The following TCERG1L variants were observed in gnomAD, a reference collection of about 807,000 sequenced individuals.
TCERG1L encodes the protein transcription elongation regulator 1 like, also known as transcription elongation regulator 1-like protein.
TCERG1L carries 37 observed loss-of-function variants against 56.3 expected under a neutral mutation model. The ratio of observed to expected loss-of-function variants is 0.66; its 90% CI spans 0.51 to 0.87. The LOEUF (loss-of-function observed/expected upper bound fraction) is 0.87. Ranked by LOEUF, TCERG1L falls within the 40% of genes least tolerant of loss-of-function variation. The pLI, the probability that TCERG1L is intolerant of heterozygous loss-of-function variation, is 0.00. For synonymous variants in TCERG1L, 324 were observed against 326.3 expected, an observed-to-expected ratio of 0.99 and a Z score of 0.08; for missense variants, 799 against 774.2, an observed-to-expected ratio of 1.03 and a Z score of -0.38.
chr10:131,202,747 G>C (rs1845455802), intron 4 of TCERG1L, among the ~76,000 whole-genome samples: 2 of 152,156 alleles, frequency 1.3e-5, no homozygotes, highest in Non-Finnish European at 2.9e-5. Flanking sequence ...GAAATATTCT[G>C]ATTATCTGAT....
intron 6 of TCERG1L, among the ~76,000 whole-genome samples, chr10:131,147,808 G>A (rs982331465): frequency 6.6e-6 from 1 of 152,242 alleles, no homozygotes; most frequent in Admixed American, 6.5e-5. Flanking sequence ...CTAGGCCCCC[G>A]GTAGCCCACT....
At chr10:131,208,752 TCAGTCAAAACA>T (rs1396217736) in intron 4 of TCERG1L, among the ~76,000 whole-genome samples, 5 of 152,174 alleles carry the variant, frequency 3.3e-5, no homozygotes, top group Non-Finnish European at 7.3e-5. Flanking sequence ...GTGGCTCATC[TCAGTCAAAACA>T]CAGTCAAAAC....
chr10:131,191,680 T>C (rs1845302849), intron 4 of TCERG1L, among the ~76,000 whole-genome samples: 1 of 141,014 alleles, frequency 7.1e-6, no homozygotes, highest in Non-Finnish European at 1.5e-5. Context: ...ATCCCATTTC[T>C]CACCACATAA....
chr10:131,275,708 A>C (rs940674727), intron 3 of TCERG1L, among the ~76,000 whole-genome samples: 1 of 152,200 alleles, frequency 6.6e-6, no homozygotes, highest in Non-Finnish European at 1.5e-5. Flanking sequence ...TCTATACCCC[A>C]AAAACTACTG....
At chr10:131,258,819 A>C (rs964947012) in intron 4 of TCERG1L, among the ~76,000 whole-genome samples, 1 of 152,202 alleles carries the variant, frequency 6.6e-6, no homozygotes, top group African/African-American at 2.4e-5. Flanking sequence ...ATGTCACCTT[A>C]TAAATCATGT....
intron 8 of TCERG1L, among the ~76,000 whole-genome samples, chr10:131,121,969 G>A (rs1216683370): frequency 6.6e-6 from 1 of 152,220 alleles, no homozygotes; most frequent in African/African-American, 2.4e-5. Context: ...TCCAGAGGCT[G>A]TGCCAGCCCT....
At chr10:131,283,407 T>C (rs1000702673) in intron 3 of TCERG1L, among the ~76,000 whole-genome samples, 4 of 152,214 alleles carry the variant, frequency 2.6e-5, no homozygotes, top group African/African-American at 4.8e-5. Context: ...CAGATGCAAA[T>C]GTAAGGCTTC....
At chr10:131,185,455 A>G (rs1845225907) in intron 4 of TCERG1L, among the ~76,000 whole-genome samples, 1 of 152,232 alleles carries the variant, frequency 6.6e-6, no homozygotes, top group Admixed American at 6.5e-5. Flanking sequence ...AACCTTCAGA[A>G]TGGGAGAAAA....
intron 6 of TCERG1L, among the ~76,000 whole-genome samples, chr10:131,148,856 TG>T (rs1347459328): frequency 2.0e-5 from 3 of 152,238 alleles, no homozygotes; most frequent in Non-Finnish European, 4.4e-5. Flanking sequence ...TGTGTGTCGC[TG>T]GAGCCCTGAG....
At chr10:131,204,136 G>A (rs1845489496) in intron 4 of TCERG1L, among the ~76,000 whole-genome samples, 1 of 152,224 alleles carries the variant, frequency 6.6e-6, no homozygotes, top group Non-Finnish European at 1.5e-5. Flanking sequence ...CAGCAAGGAG[G>A]CGCCATCTTG....
intron 3 of TCERG1L, among the ~76,000 whole-genome samples, chr10:131,281,023 G>C (rs1846446183): frequency 6.6e-6 from 1 of 152,052 alleles, no homozygotes; most frequent in Non-Finnish European, 1.5e-5. Context: ...TTTTTAAAAG[G>C]CATTATTCAA....
At chr10:131,105,125 T>A (rs1206815299) in intron 9 of TCERG1L, among the ~76,000 whole-genome samples, 1 of 152,220 alleles carries the variant, frequency 6.6e-6, no homozygotes. Context: ...GTCAGGTGCA[T>A]TGCAGGACAC....
intron 7 of TCERG1L, among the ~76,000 whole-genome samples, chr10:131,143,981 G>A (rs1221848948): frequency 6.6e-6 from 1 of 152,112 alleles, no homozygotes; most frequent in Non-Finnish European, 1.5e-5. Flanking sequence ...CAGCACTTCT[G>A]GAGGCGCTGC....
intron 3 of TCERG1L, among the ~76,000 whole-genome samples, chr10:131,299,299 T>G (rs1351252408): frequency 6.6e-6 from 1 of 152,142 alleles, no homozygotes; most frequent in Non-Finnish European, 1.5e-5. Context: ...GGAGGTTAGA[T>G]CTTTATATTT....
At chr10:131,191,461 A>C (rs965198739) in intron 4 of TCERG1L, among the ~76,000 whole-genome samples, 3 of 144,082 alleles carry the variant, frequency 2.1e-5, no homozygotes. Context: ...TGGAGGCATC[A>C]CATTACTGGA....
chr10:131,299,005 T>A (rs1333856854), intron 3 of TCERG1L, among the ~76,000 whole-genome samples: 2 of 152,218 alleles, frequency 1.3e-5, no homozygotes, highest in Admixed American at 1.3e-4. Flanking sequence ...TGTTTTCAAT[T>A]GTGAATTTCT....
chr10:131,143,333 G>A (rs544080183), intron 7 of TCERG1L, among the ~76,000 whole-genome samples: 3 of 152,252 alleles, frequency 2.0e-5, no homozygotes, highest in South Asian at 2.1e-4. Flanking sequence ...CCAGGGCTCC[G>A]GGTCCTCCTC....
chr10:131,175,840 C>A (rs1327407610), intron 4 of TCERG1L, among the ~76,000 whole-genome samples: 1 of 152,108 alleles, frequency 6.6e-6, no homozygotes, highest in African/African-American at 2.4e-5. Context: ...GGGACAGAGA[C>A]AGAAACGAAG....
At chr10:131,240,632 G>A (rs968863751) in intron 4 of TCERG1L, among the ~76,000 whole-genome samples, 3 of 152,194 alleles carry the variant, frequency 2.0e-5, no homozygotes, top group Non-Finnish European at 4.4e-5. Flanking sequence ...TTACAGTCTT[G>A]CAGACAGACG....
Sources: allele counts gnomAD v4.1 joint callset (sites outside exome capture counted in the v4.1 genomes callset), GRCh38; gene constraint gnomAD v4.1.1; transcripts MANE v1.5; gene names NCBI Gene and HGNC (gene_info 2026-07-23, HGNC 2026-07-21).